Variants in TRIP11 observed in about 807,000 individuals in gnomAD.
TRIP11 encodes the protein thyroid hormone receptor interactor 11, also known as thyroid receptor-interacting protein 11.
Under a neutral mutation model 223.1 loss-of-function variants are expected in TRIP11, and 148 were observed. The observed-to-expected ratio is 0.66, with a 90% confidence interval of 0.58 to 0.76. The LOEUF is 0.76. Ranked by LOEUF, TRIP11 falls within the 30% of genes least tolerant of loss-of-function variation. The pLI, the probability that TRIP11 is intolerant of heterozygous loss-of-function variation, is 0.00. For missense variants in TRIP11, 2,043 were observed against 2,222.0 expected (o/e 0.92, Z 1.62); for synonymous variants, 762 against 772.6 (o/e 0.99, Z 0.23).
chr14:92,015,756 G>C lies in TRIP11; in HGVS notation c.763C>G (p.Arg255Gly). 6.2e-7 allele frequency: 1 copy of C among 1,613,358 alleles called. No individual in the cohort carries two copies. The highest frequency in any genetic ancestry group is 2.2e-5 in the East Asian group (1 of 44,866). ...TCTTCATAGTCACTTAATTCTTCTCGATGTCGTCGACTTATTTCTGTCAAT... is the reference window on the plus strand; with the variant it reads ...TCTTCATAGTCACTTAATTCTTCTCCATGTCGTCGACTTATTTCTGTCAAT... ...QKLTEISRRH[R>G]EELSDYEERI... is the part of the protein sequence containing the mutation. The change falls in exon 6 of 21, where the codon CGA becomes GGA. Residue 255 changes from arginine to glycine, a missense_variant. Coordinates refer to ENST00000267622, the MANE Select transcript of TRIP11 (RefSeq NM_004239.4).
At chr14:92,021,926 T>G (rs1343000320) in intron 3 of TRIP11, 95 bp from the exon 4 acceptor site, 3 of 1,357,806 alleles carry the variant, frequency 2.2e-6, no homozygotes, top group African/African-American at 1.4e-5. Flanking sequence ...TACAATAATT[T>G]GTCTAAGATT....
At chr14:92,018,972 A>C (rs904747091) in intron 4 of TRIP11, among the ~76,000 whole-genome samples, 38 of 151,088 alleles carry the variant, frequency 2.5e-4, no homozygotes, top group African/African-American at 5.3e-4. Context: ...AAAAAAAAAA[A>C]AAAAAACAAA....
chr14:91,969,115 G>A lies in TRIP11; in HGVS notation c.*558C>T, dbSNP rs1043237760. The A allele has an allele frequency of 4.3e-6, 1 of 231,914 alleles. No homozygotes were observed. Among genetic ancestry groups the A allele is most frequent in the Admixed American group, 5.4e-5 (1 of 18,568 alleles). 14.4% of individuals were successfully genotyped at this position (231,914 alleles called of 1,614,324 possible). ...AAACAAAAAAAGAATCTACACACAT[G>A]ATAATATTGCACAGGACCAAATACA... On this transcript the variant is annotated 3_prime_UTR_variant, in exon 21 of 21. Transcript: ENST00000267622.
chr14:92,005,719 T>G lies in TRIP11; in HGVS notation c.2257A>C (p.Asn753His). 6.2e-7 allele frequency: 1 copy of G among 1,614,024 alleles called. No individual in the cohort carries two copies. The stretch of plus-strand genomic sequence containing the variant: ...TGTTCCAGCTGTAAGGCAGAGGTAT[T>G]CAAATTACGTGCATTTGACAGTTCT... The part of the protein sequence containing the change: ...IEELSNARNL[N>H]TSALQLEHEH... Residue 753 changes from asparagine (N) to histidine (H), a missense_variant, in exon 11 of 21, where the codon AAT becomes CAT. Coordinates refer to ENST00000267622, the MANE Select transcript of TRIP11 (RefSeq NM_004239.4).
In TRIP11 at chr14:92,007,753, A is replaced by C; in HGVS notation, c.1414T>G (p.Leu472Val). The change falls in exon 10 of 21, where the codon TTA (leucine) becomes GTA (valine). Residue 472 changes from leucine (L) to valine (V), a missense_variant. By Grantham distance (32) the Leu-to-Val change is conservative. Transcript: ENST00000267622. ...TCCTTTGCCTCCAAATTAAGTCTTA[A>C]GTCATGTAATTCTGAATCCAAACTT... Reference protein sequence around the residue: ...DISLDSELHDLRLNLEAKEQE... With the variant: ...DISLDSELHDVRLNLEAKEQE... The C allele has an allele frequency of 1.2e-6, 2 of 1,613,750 alleles. No homozygotes were observed. Among genetic ancestry groups the C allele is most frequent in the Non-Finnish European group, 1.7e-6 (2 of 1,179,950 alleles).
At chr14:92,012,994 G>T (rs528550223) in intron 7 of TRIP11, among the ~76,000 whole-genome samples, 5 of 152,050 alleles carry the variant, frequency 3.3e-5, no homozygotes, top group Non-Finnish European at 7.4e-5. Flanking sequence ...TTCAGCTGGG[G>T]GCGGTGGCTC....
Position 92,021,709 on chromosome 14 carries a change from T to C in TRIP11, c.435A>G (p.Ser145=). Residue 145 remains serine, a synonymous_variant, in exon 4 of 21, where the codon TCA becomes TCG. Transcript: ENST00000267622. The stretch of plus-strand genomic sequence containing the variant: ...GATGATGACTAATCCCATAAGCGAA[T>C]GAAGATGATGCAGTGGTTGCTGGTA... The part of the protein sequence containing the change: ...AGVPATTASS[S]FAYGISHHPS... 1 of 1,614,140 alleles carries C rather than the reference T, an allele frequency of 6.2e-7. No homozygotes were observed. The highest frequency in any genetic ancestry group is 8.5e-7 in the Non-Finnish European group (1 of 1,180,016).
In TRIP11 at chr14:92,025,167, C is replaced by T. The variant is rs1011490699; in HGVS notation, c.312+143G>A. ...AAAGTTCTTATTAAATAAGGGATAT[C>T]AAACTGAGTCGAAAATCATTAAATT... On this transcript the variant is annotated intron_variant, in intron 3 of 20. Coordinates refer to ENST00000267622, the MANE Select transcript of TRIP11 (RefSeq NM_004239.4). 8.8e-6 allele frequency: 6 copies of T among 681,192 alleles called. No homozygotes were observed. The South Asian group carries it at 9.3e-5, about 11-fold the overall frequency. 42.2% of individuals were successfully genotyped at this position (681,192 alleles called of 1,614,324 possible). A position where few individuals can be genotyped will look rare whatever the true frequency, so the allele number is the denominator to read the frequency against.
At chr14:92,010,830 G>A (rs915952830) in intron 9 of TRIP11, among the ~76,000 whole-genome samples, 156 bp downstream of exon 9, 2 of 151,770 alleles carry the variant, frequency 1.3e-5, no homozygotes, top group African/African-American at 4.8e-5. Flanking sequence ...CTTTACCCAG[G>A]TACTTCCACC....
rs548658311 is a variant in TRIP11 at position 92,027,004 on chromosome 14, C to G, written c.202-1584G>C. The G allele has an allele frequency of 2.3e-3, 1,603 of 691,314 alleles. 23 individuals are homozygous for G. The African/African-American group carries it at 0.029, about 13-fold the overall frequency. The allele number at this position is 691,314 out of a possible 1,614,324, so 42.8% of individuals were successfully genotyped here. A position where few individuals can be genotyped will look rare whatever the true frequency, so the allele number is the denominator to read the frequency against. ...TCAAGTAGAGAGGCCCGCCCGCCCA[C>G]CGTGGGCAGTGCCACCAGCAGATGA... On this transcript the variant is annotated intron_variant, in intron 2 of 20. Transcript: ENST00000267622.
rs1267312391 is a variant in TRIP11 at position 91,999,430 on chromosome 14, G to T, written c.4702C>A (p.Gln1568Lys). The change falls in exon 13 of 21, where the codon CAA (glutamine) becomes AAA (lysine). Residue 1568 changes from glutamine to lysine, a missense_variant. Gln to Lys is a moderately conservative substitution (Grantham distance 53). Transcript: ENST00000267622. The part of the protein sequence containing the change: ...MENTALQNEV[Q>K]RLRDKEFRSN... Reference sequence around the variant, plus strand: ...CGAAATTCTTTGTCACGTAAACGTTGAACCTAGGTAGAGGACATTATTTTT... The same window carrying T: ...CGAAATTCTTTGTCACGTAAACGTTTAACCTAGGTAGAGGACATTATTTTT... 5 of 1,613,470 alleles carry T rather than the reference G, an allele frequency of 3.1e-6. No homozygotes were observed. In the African/African-American group the frequency reaches 4.0e-5, roughly 13 times the overall value.
In TRIP11 at chr14:91,967,456, A is replaced by G. The variant is rs549383315; in HGVS notation, c.*2217T>C. The stretch of plus-strand genomic sequence containing the variant: ...GCCCGGCCAGTATTATAGCTTTAGG[A>G]CAAGGTCACATATTTATTTAAATAG... On this transcript the variant is annotated 3_prime_UTR_variant, in exon 21 of 21. Coordinates refer to ENST00000267622, the MANE Select transcript of TRIP11 (RefSeq NM_004239.4). The G allele has an allele frequency of 4.7e-4, 89 of 188,114 alleles. No homozygotes were observed. The highest frequency in any genetic ancestry group is 2.0e-3 in the African/African-American group (86 of 42,854). The allele number at this position is 188,114 out of a possible 1,614,324, so 11.7% of individuals were successfully genotyped here.
At chr14:92,019,317 G>C (rs189257467) in intron 4 of TRIP11, among the ~76,000 whole-genome samples, 1 of 152,216 alleles carries the variant, frequency 6.6e-6, no homozygotes, top group Admixed American at 6.5e-5. Flanking sequence ...AGGGCTATTT[G>C]TTTAAATGCA....
At position 91,969,802 on chromosome 14, in the gene TRIP11, T is replaced by G. The variant is rs748645116; in HGVS notation, c.5811A>C (p.Gly1937=). The G allele has an allele frequency of 1.5e-5, 24 of 1,614,046 alleles. No homozygotes were observed. In the Admixed American group the frequency reaches 2.3e-4, roughly 16 times the overall value. The change falls in exon 21 of 21, where the codon GGA becomes GGC. Residue 1937 remains glycine (G), a synonymous_variant. Transcript: ENST00000267622. The stretch of plus-strand genomic sequence containing the variant: ...GATGCCCGGGCCCACCAGGTCCAAG[T>G]CCAGCTGGGTTAATAAGAGGTACAG... ...SAAVPLINPA[G]LGPGGPGHLL...
chr14:91,998,567 T>C (rs959664109), intron 13 of TRIP11, among the ~76,000 whole-genome samples: 2 of 152,006 alleles, frequency 1.3e-5, no homozygotes, highest in Non-Finnish European at 2.9e-5. Flanking sequence ...AAAAAGGGTA[T>C]ATAATGTATA....
At chr14:92,002,961 G>A (rs549746081) in intron 11 of TRIP11, among the ~76,000 whole-genome samples, 1 of 152,236 alleles carries the variant, frequency 6.6e-6, no homozygotes, top group African/African-American at 2.4e-5. Context: ...AGACACACAC[G>A]CACACACACA....
Position 92,004,981 on chromosome 14 carries a change from C to CT in TRIP11, c.2994dup (p.Val999SerfsTer5). On this transcript the variant is annotated frameshift_variant, in exon 11 of 21. Transcript: ENST00000267622. LOFTEE classifies it high-confidence loss of function. ...CCATTTTCTATATTAAGGCTCTGAA[C>CT]TTTTGTTTCTTGAAAAATATCAGAG... The CT allele has an allele frequency of 6.2e-7, 1 of 1,613,692 alleles. No homozygotes were observed. Among genetic ancestry groups the CT allele is most frequent in the Non-Finnish European group, 8.5e-7 (1 of 1,179,956 alleles).
Position 91,998,843 on chromosome 14 carries a change from C to T in TRIP11, c.4892+397G>A, listed in dbSNP as rs538507181. Among the ~76,000 whole-genome samples the T allele has an allele frequency of 2.6e-5, 4 of 152,262 alleles. No homozygotes were observed. In the East Asian group the frequency reaches 5.8e-4, roughly 22 times the overall value. On this transcript the variant is annotated intron_variant, in intron 13 of 20. Coordinates refer to ENST00000267622, the MANE Select transcript of TRIP11 (RefSeq NM_004239.4). The stretch of plus-strand genomic sequence containing the variant: ...CTCTGCTACTTCCTTTACTCTCTTC[C>T]TGCTAACATCCACATCCTGTTCAAC...
intron 4 of TRIP11, among the ~76,000 whole-genome samples, chr14:92,019,537 G>A (rs7155279): frequency 1.3e-5 from 2 of 151,940 alleles, no homozygotes; most frequent in Non-Finnish European, 2.9e-5. Flanking sequence ...ATAATTTTAA[G>A]TGGGAAGATT....
Sources: gnomAD v4.1 joint callset for allele counts (sites outside exome capture counted in the v4.1 genomes callset) on GRCh38, gnomAD v4.1.1 for gene constraint, MANE v1.5 for transcripts, NCBI Gene and HGNC (gene_info 2026-07-23, HGNC 2026-07-21) for gene names.